MAPKAP1: variants seen among roughly 807,000 people sequenced by gnomAD.
The protein encoded by MAPKAP1 is MAPK associated protein 1.
Under a neutral mutation model 65.7 loss-of-function variants are expected in MAPKAP1, and 20 were observed. The ratio of observed to expected loss-of-function variants is 0.30; its 90% CI spans 0.21 to 0.44. MAPKAP1 has a LOEUF of 0.44. MAPKAP1 is among the 20% of genes least tolerant of loss of function. The pLI, the probability that MAPKAP1 is intolerant of heterozygous loss-of-function variation, is 1.00. For missense variants in MAPKAP1, 423 were observed against 648.0 expected (o/e 0.65, Z 3.77); for synonymous variants, 222 against 244.3 (o/e 0.91, Z 0.85).
At chr9:125,600,793 C>T (rs905653016) in intron 4 of MAPKAP1, among the ~76,000 whole-genome samples, 3 of 152,086 alleles carry the variant, frequency 2.0e-5, no homozygotes, top group African/African-American at 7.2e-5. Context: ...TGTAAAATGT[C>T]CACTTCGAAT....
intron 5 of MAPKAP1, among the ~76,000 whole-genome samples, chr9:125,581,878 G>C (rs1037831242): frequency 4.7e-5 from 7 of 149,836 alleles, no homozygotes; most frequent in African/African-American, 1.5e-4. Flanking sequence ...CATTTAATTT[G>C]CATGTGTTTT....
chr9:125,672,634 G>A lies in MAPKAP1; in HGVS notation c.-60C>T, dbSNP rs1588059824. The A allele has an allele frequency of 3.2e-6, 5 of 1,568,066 alleles. No homozygotes were observed. In the East Asian group the frequency reaches 9.0e-5, roughly 28 times the overall value. ...TTCTCCTCTTCATATTGTTTCACGAGCTCACCTACCTAGAAACATGATGTA... is the reference window on the plus strand; with the variant it reads ...TTCTCCTCTTCATATTGTTTCACGAACTCACCTACCTAGAAACATGATGTA... On this transcript the variant is annotated 5_prime_UTR_variant, in exon 2 of 12. Coordinates refer to ENST00000265960, the MANE Select transcript of MAPKAP1 (RefSeq NM_001006617.3).
chr9:125,595,512 G>A lies in MAPKAP1; in HGVS notation c.499-9785C>T. On this transcript the variant is annotated intron_variant, in intron 4 of 11. Coordinates refer to ENST00000265960, the MANE Select transcript of MAPKAP1 (RefSeq NM_001006617.3). The surrounding 1 kb of genome is among the most constrained non-coding windows in gnomAD (Gnocchi z 4.0). ...AAATTAATTTCAAAATCATATACCT[G>A]ATAGTTTCCAAAGTAGGAGAAGCAA... The A allele has an allele frequency of 9.0e-7, 1 of 1,109,418 alleles. No individual in the cohort carries two copies. Among genetic ancestry groups the A allele is most frequent in the Non-Finnish European group, 1.1e-6 (1 of 904,028 alleles). The allele number at this position is 1,109,418 out of a possible 1,614,324, so 68.7% of individuals were successfully genotyped here.
chr9:125,468,452 A>G (rs1246870143), intron 9 of MAPKAP1, among the ~76,000 whole-genome samples: 1 of 152,230 alleles, frequency 6.6e-6, no homozygotes, highest in East Asian at 1.9e-4. Flanking sequence ...TTGTAATGAA[A>G]TAACCATCAG....
intron 10 of MAPKAP1, among the ~76,000 whole-genome samples, chr9:125,464,292 T>C (rs1276361551): frequency 1.4e-5 from 2 of 146,798 alleles, no homozygotes; most frequent in East Asian, 4.0e-4. Context: ...AATTTAAACA[T>C]GGTAGTTTCT....
chr9:125,544,387 T>G (rs1268640344), intron 6 of MAPKAP1, among the ~76,000 whole-genome samples: 1 of 152,178 alleles, frequency 6.6e-6, no homozygotes, highest in Non-Finnish European at 1.5e-5. Flanking sequence ...AAATATTAGC[T>G]GAAGCACAAG....
chr9:125,585,695 G>A lies in MAPKAP1; in HGVS notation c.531C>T (p.Ile177=), dbSNP rs781447341. 8 of 1,614,082 alleles carry A rather than the reference G, an allele frequency of 5.0e-6. No homozygotes were observed. Among genetic ancestry groups the A allele is most frequent in the African/African-American group, 4.0e-5 (3 of 74,930 alleles). The change falls in exon 5 of 12, where the codon ATC becomes ATT. Residue 177 remains isoleucine, a synonymous_variant. Coordinates refer to ENST00000265960, the MANE Select transcript of MAPKAP1 (RefSeq NM_001006617.3). The part of the protein sequence containing the change: ...GHVGTTATKK[I]DVYLPLHSSQ... ...TCGAGTGCAGAGGGAGGTAGACATC[G>A]ATCTTCTTGGTTGCTGTTGTACCTA...
chr9:125,581,861 C>A lies in MAPKAP1; in HGVS notation c.671+3694G>T, dbSNP rs191529335. Reference sequence around the variant, plus strand: ...TTTGTTTAAAAAAAAAAAGTCTCTTCTTCCGCCATTTAATTTGCATGTGTT... The same window carrying A: ...TTTGTTTAAAAAAAAAAAGTCTCTTATTCCGCCATTTAATTTGCATGTGTT... On this transcript the variant is annotated intron_variant, in intron 5 of 11. Coordinates refer to ENST00000265960, the MANE Select transcript of MAPKAP1 (RefSeq NM_001006617.3). 8.7e-3 allele frequency among the ~76,000 whole-genome samples: 1,317 copies of A among 152,058 alleles called. 9 individuals carry two copies. The highest frequency in any genetic ancestry group is 0.015 in the Non-Finnish European group (1,010 of 67,974).
At chr9:125,560,954 G>A (rs1427841267) in intron 5 of MAPKAP1, among the ~76,000 whole-genome samples, 1 of 152,200 alleles carries the variant, frequency 6.6e-6, no homozygotes, top group African/African-American at 2.4e-5. Flanking sequence ...CAGTGTAAGA[G>A]TGCAATCAAT....
intron 7 of MAPKAP1, among the ~76,000 whole-genome samples, chr9:125,515,271 A>C (rs1450224676): frequency 2.6e-5 from 4 of 152,154 alleles, no homozygotes; most frequent in African/African-American, 9.7e-5. Flanking sequence ...GCCTAGTTAA[A>C]CTGCAAAACC....
intron 8 of MAPKAP1, among the ~76,000 whole-genome samples, chr9:125,504,377 C>G (rs535602196): frequency 1.3e-5 from 2 of 152,152 alleles, no homozygotes; most frequent in Non-Finnish European, 2.9e-5. Flanking sequence ...GGACAGTAAC[C>G]TTCTGCCTTT....
chr9:125,514,336 C>T (rs557138092), intron 7 of MAPKAP1, among the ~76,000 whole-genome samples: 32 of 152,294 alleles, frequency 2.1e-4, no homozygotes, highest in Non-Finnish European at 4.3e-4. Context: ...CCAGCTCAAG[C>T]TGCCTCGCTG....
chr9:125,542,948 A>G (rs765373253), intron 7 of MAPKAP1, 111 bp downstream of exon 7: 2 of 831,614 alleles, frequency 2.4e-6, no homozygotes, highest in East Asian at 2.4e-5. Context: ...CAAACCTTCT[A>G]GCAATGACAT....
chr9:125,626,030 A>C (rs1833108626), intron 4 of MAPKAP1, among the ~76,000 whole-genome samples: 1 of 152,230 alleles, frequency 6.6e-6, no homozygotes, highest in Non-Finnish European at 1.5e-5. Flanking sequence ...ATCATTAAGG[A>C]CTGAACGTCT....
chr9:125,525,617 G>T (rs1278522848), intron 7 of MAPKAP1, among the ~76,000 whole-genome samples: 1 of 151,776 alleles, frequency 6.6e-6, no homozygotes, highest in African/African-American at 2.4e-5. Flanking sequence ...AGGTTGTGGT[G>T]AGCTGAGATT....
chr9:125,584,310 T>C (rs1175113152), intron 5 of MAPKAP1, among the ~76,000 whole-genome samples: 1 of 152,096 alleles, frequency 6.6e-6, no homozygotes, highest in African/African-American at 2.4e-5. Flanking sequence ...CAATAAGAAT[T>C]TGAAAAAATC....
chr9:125,704,433 C>A (rs1835698286), intron 1 of MAPKAP1, among the ~76,000 whole-genome samples: 2 of 152,152 alleles, frequency 1.3e-5, no homozygotes, highest in South Asian at 2.1e-4. Flanking sequence ...CTGGGGACTT[C>A]TACCTTAGAA....
At chr9:125,561,159 G>C (rs1830881882) in intron 5 of MAPKAP1, among the ~76,000 whole-genome samples, 1 of 152,160 alleles carries the variant, frequency 6.6e-6, no homozygotes, top group African/African-American at 2.4e-5. Context: ...GATCTATATA[G>C]ATCATTTTTT....
At chr9:125,693,788 T>TACAC (rs1304321296) in intron 1 of MAPKAP1, among the ~76,000 whole-genome samples, 8 of 150,210 alleles carry the variant, frequency 5.3e-5, no homozygotes, top group African/African-American at 2.0e-4. Context: ...TACACGTATA[T>TACAC]ATATACACAC....
Sources: gnomAD v4.1 joint callset for allele counts (sites outside exome capture counted in the v4.1 genomes callset) on GRCh38, gnomAD v4.1.1 for gene constraint, Gnocchi (gnomAD v3.1) non-coding constraint, MANE v1.5 for transcripts, NCBI Gene and HGNC (gene_info 2026-07-23, HGNC 2026-07-21) for gene names.